PARK7: variants seen among roughly 807,000 people sequenced by gnomAD.
The protein encoded by PARK7 is Parkinsonism associated deglycase, also known as Parkinson disease protein 7.
Under a neutral mutation model 20.5 loss-of-function variants are expected in PARK7, and 14 were observed. That is an observed-to-expected ratio of 0.68 (90% CI 0.45 to 1.07). The LOEUF is 1.07. PARK7 is among the 50% of genes least tolerant of loss of function. PARK7 has a pLI of 0.00. For synonymous variants in PARK7, 98 were observed against 84.3 expected, an observed-to-expected ratio of 1.16 and a Z score of -0.89; for missense variants, 234 against 238.1, an observed-to-expected ratio of 0.98 and a Z score of 0.11.
At chr1:7,976,084 G>A (rs189127107) in intron 5 of PARK7, among the ~76,000 whole-genome samples, 97 of 152,262 alleles carry the variant, frequency 6.4e-4, no homozygotes, top group African/African-American at 1.5e-3. Flanking sequence ...TAACAGCTAC[G>A]GTCTGAGTAG....
At chr1:7,969,647 C>T (rs888094375) in intron 4 of PARK7, among the ~76,000 whole-genome samples, 31 of 151,822 alleles carry the variant, frequency 2.0e-4, no homozygotes, top group Admixed American at 1.6e-3. Context: ...GTGGCACAAT[C>T]TCGGCTCACT....
chr1:7,971,062 C>A, intron 5 of PARK7, 99 bp downstream of exon 5: 1 of 1,239,254 alleles, frequency 8.1e-7, no homozygotes, highest in Non-Finnish European at 1.2e-6. Context: ...CTTCATAAAG[C>A]ATGCAGGGCA....
intron 4 of PARK7, among the ~76,000 whole-genome samples, chr1:7,969,952 G>A (rs953882563): frequency 8.5e-5 from 13 of 152,196 alleles, no homozygotes; most frequent in Non-Finnish European, 7.3e-5. Flanking sequence ...AGTGGTTTGG[G>A]AGGCTGAGAC....
intron 4 of PARK7, among the ~76,000 whole-genome samples, chr1:7,969,858 G>A (rs1308947097): frequency 3.3e-5 from 5 of 152,268 alleles, no homozygotes; most frequent in South Asian, 4.1e-4. Flanking sequence ...AATTATAGGC[G>A]TGAGCCACCA....
intron 5 of PARK7, among the ~76,000 whole-genome samples, chr1:7,972,323 C>T (rs1640482821): frequency 6.6e-6 from 1 of 151,972 alleles, no homozygotes; most frequent in Non-Finnish European, 1.5e-5. Flanking sequence ...AAAAAATTAG[C>T]CAAGCACAGT....
intron 6 of PARK7, among the ~76,000 whole-genome samples, chr1:7,979,447 C>T (rs1001794610): frequency 6.6e-6 from 1 of 152,188 alleles, no homozygotes; most frequent in South Asian, 2.1e-4. Flanking sequence ...GTACATTCTA[C>T]ATACAGTTAC....
chr1:7,974,497 C>T (rs1364599378), intron 5 of PARK7, among the ~76,000 whole-genome samples: 14 of 150,850 alleles, frequency 9.3e-5, no homozygotes, highest in East Asian at 5.9e-4. Context: ...GGCGTGGTGG[C>T]GGGTGCCTGT....
chr1:7,985,191 G>A lies in PARK7; in HGVS notation c.*137G>A. ...TTACTACTTTTGCGGAAGTATGGAAGTCACAACTACACAGAGATTTCTCAG... is the reference window on the plus strand; with the variant it reads ...TTACTACTTTTGCGGAAGTATGGAAATCACAACTACACAGAGATTTCTCAG... On this transcript the variant is annotated 3_prime_UTR_variant, in exon 7 of 7. Transcript: ENST00000338639. 8.7e-7 allele frequency: 1 copy of A among 1,144,896 alleles called. No individual in the cohort carries two copies. Among genetic ancestry groups the A allele is most frequent in the Non-Finnish European group, 1.3e-6 (1 of 792,704 alleles). The allele number at this position is 1,144,896 out of a possible 1,614,324, so 70.9% of individuals were successfully genotyped here. A position where few individuals can be genotyped will look rare whatever the true frequency, so the allele number is the denominator to read the frequency against.
At chr1:7,967,101 G>A (rs1640346536) in intron 3 of PARK7, among the ~76,000 whole-genome samples, 1 of 151,970 alleles carries the variant, frequency 6.6e-6, no homozygotes, top group Non-Finnish European at 1.5e-5. Flanking sequence ...AGTATCCTCT[G>A]TCCTACATTA....
At chr1:7,962,953 A>G in intron 2 of PARK7, 78 bp downstream of exon 2, 3 of 1,166,486 alleles carry the variant, frequency 2.6e-6, no homozygotes, top group Admixed American at 1.7e-5. Flanking sequence ...TAAAATATTC[A>G]AAGTGCTCTA....
intron 5 of PARK7, among the ~76,000 whole-genome samples, chr1:7,975,285 T>C (rs1640554744): frequency 6.6e-6 from 1 of 152,124 alleles, no homozygotes; most frequent in African/African-American, 2.4e-5. Flanking sequence ...GAAAATTAAA[T>C]GATATTTACT....
intron 6 of PARK7, among the ~76,000 whole-genome samples, chr1:7,983,298 A>C (rs943222203): frequency 6.6e-6 from 1 of 152,218 alleles, no homozygotes; most frequent in African/African-American, 2.4e-5. Context: ...GTGCATCAGG[A>C]TAGAGCAGGA....
At chr1:7,962,461 A>C (rs1640227281) in intron 1 of PARK7, among the ~76,000 whole-genome samples, 1 of 152,216 alleles carries the variant, frequency 6.6e-6, no homozygotes, top group Non-Finnish European at 1.5e-5. Flanking sequence ...TGTATTTTTA[A>C]AAAACCCATT....
intron 2 of PARK7, among the ~76,000 whole-genome samples, chr1:7,964,017 C>T (rs1578090817): frequency 6.6e-6 from 1 of 151,862 alleles, no homozygotes; most frequent in African/African-American, 2.4e-5. Context: ...GTTTCACCAT[C>T]TTGGCCAGGC....
At chr1:7,968,805 G>C (rs379920) in intron 3 of PARK7, among the ~76,000 whole-genome samples, 100,090 of 152,096 alleles carry the variant, frequency 0.66, 34,163 homozygotes, top group African/African-American at 0.84. Context: ...ACATGAGCCA[G>C]TGTGCCCAGC....
intron 6 of PARK7, among the ~76,000 whole-genome samples, chr1:7,979,687 A>C (rs1640669865): frequency 6.6e-6 from 1 of 152,094 alleles, no homozygotes; most frequent in Non-Finnish European, 1.5e-5. Context: ...TTTTTTGTAG[A>C]GACAGGGTCT....
At chr1:7,965,514 T>C in intron 3 of PARK7, 89 bp downstream of exon 3, 2 of 1,206,604 alleles carry the variant, frequency 1.7e-6, no homozygotes, top group Non-Finnish European at 2.5e-6. Context: ...AGACTCATTT[T>C]AGAAAATTAT....
At position 7,971,196 on chromosome 1, in the gene PARK7, G is replaced by A. The variant is rs892255635; in HGVS notation, c.322+233G>A. On this transcript the variant is annotated intron_variant, in intron 5 of 6. Transcript: ENST00000338639. ...CATGCTGTGAAACTTAGTGTTTTCC[G>A]TGTTTGGTTGACCTCGGAGGAAAAT... 100 of 574,608 alleles carry A rather than the reference G, an allele frequency of 1.7e-4. 1 individual carries two copies. The highest frequency in any genetic ancestry group is 4.7e-4 in the African/African-American group (25 of 53,408). 35.6% of individuals were successfully genotyped at this position (574,608 alleles called of 1,614,324 possible).
intron 5 of PARK7, among the ~76,000 whole-genome samples, chr1:7,973,056 G>A (rs1039708253): frequency 1.1e-4 from 16 of 151,334 alleles, no homozygotes; most frequent in Non-Finnish European, 1.9e-4. Flanking sequence ...TCAAAAAAAA[G>A]TAATAATTTT....
Sources: gnomAD v4.1 joint callset for allele counts (sites outside exome capture counted in the v4.1 genomes callset) on GRCh38, gnomAD v4.1.1 for gene constraint, MANE v1.5 for transcripts, NCBI Gene and HGNC (gene_info 2026-07-23, HGNC 2026-07-21) for gene names.